CAMK1D: variants seen among roughly 807,000 people sequenced by gnomAD.
CAMK1D encodes the protein calcium/calmodulin dependent protein kinase ID.
Under a neutral mutation model 47.7 loss-of-function variants are expected in CAMK1D, and 9 were observed. The ratio of observed to expected loss-of-function variants is 0.19; its 90% CI spans 0.11 to 0.33. The LOEUF is 0.33. Ranked by LOEUF, CAMK1D falls within the 10% of genes least tolerant of loss-of-function variation. The probability of loss-of-function intolerance (pLI) is 1.00; values close to 1 mark genes in which losing one functional copy is unlikely to be tolerated. For missense variants in CAMK1D, 291 were observed against 488.7 expected (o/e 0.60, Z 3.81); for synonymous variants, 184 against 184.9 (o/e 0.99, Z 0.04).
intron 1 of CAMK1D, among the ~76,000 whole-genome samples, chr10:12,536,522 A>G (rs111861976): frequency 6.6e-6 from 1 of 152,110 alleles, no homozygotes; most frequent in Admixed American, 6.5e-5. Flanking sequence ...CAGGTGATCC[A>G]CACGTCTCGG....
chr10:12,790,429 A>G (rs1837930432), intron 5 of CAMK1D, among the ~76,000 whole-genome samples: 3 of 152,182 alleles, frequency 2.0e-5, no homozygotes, highest in Non-Finnish European at 2.9e-5. Context: ...GAGGCCAGAA[A>G]TGTTGCCTTG....
intron 1 of CAMK1D, among the ~76,000 whole-genome samples, chr10:12,535,542 T>C (rs1835942706): frequency 6.6e-6 from 1 of 152,188 alleles, no homozygotes; most frequent in African/African-American, 2.4e-5. Context: ...ATTAAAACTG[T>C]CTGGCCAGCA....
chr10:12,791,097 A>C (rs1204709389), intron 5 of CAMK1D, 61 bp from the exon 6 acceptor site: 1 of 1,518,716 alleles, frequency 6.6e-7, no homozygotes, highest in African/African-American at 1.4e-5. Flanking sequence ...GACCCCAAAA[A>C]CTGTCTTCAG....
At chr10:12,363,089 C>T (rs941955401) in intron 1 of CAMK1D, among the ~76,000 whole-genome samples, 1 of 151,810 alleles carries the variant, frequency 6.6e-6, no homozygotes, top group African/African-American at 2.4e-5. Context: ...TACTGGTGCA[C>T]GCCAGCACAC....
At chr10:12,743,948 G>T (rs1476011056) in intron 3 of CAMK1D, among the ~76,000 whole-genome samples, 2 of 151,918 alleles carry the variant, frequency 1.3e-5, no homozygotes, top group Non-Finnish European at 2.9e-5. Context: ...GCTTGAACCT[G>T]GGAGGCAGAG....
chr10:12,805,806 G>C (rs541202316), intron 6 of CAMK1D, among the ~76,000 whole-genome samples: 1 of 152,188 alleles, frequency 6.6e-6, no homozygotes, highest in Non-Finnish European at 1.5e-5. Context: ...TTAATGACTC[G>C]GGCATCCAGC....
intron 1 of CAMK1D, among the ~76,000 whole-genome samples, chr10:12,420,435 A>G (rs1840011375): frequency 6.6e-6 from 1 of 152,036 alleles, no homozygotes; most frequent in Non-Finnish European, 1.5e-5. Context: ...TGTTTTCATA[A>G]CTCCAACAAG....
chr10:12,553,664 T>A (rs1005021673), intron 2 of CAMK1D, among the ~76,000 whole-genome samples: 2 of 151,956 alleles, frequency 1.3e-5, no homozygotes, highest in Admixed American at 6.6e-5. Flanking sequence ...GAGCCCTGAG[T>A]CTTCTCTGTA....
chr10:12,480,171 C>G (rs575797527), intron 1 of CAMK1D, among the ~76,000 whole-genome samples: 1 of 152,070 alleles, frequency 6.6e-6, no homozygotes, highest in Non-Finnish European at 1.5e-5. Context: ...AATACTTGGC[C>G]GGGCTCGGTG....
At chr10:12,658,596 A>AT (rs1840184285) in intron 2 of CAMK1D, among the ~76,000 whole-genome samples, 1 of 152,252 alleles carries the variant, frequency 6.6e-6, no homozygotes, top group African/African-American at 2.4e-5. Context: ...TCCTGTGCCT[A>AT]TAAAAACCCT....
chr10:12,479,914 C>T (rs2815603), intron 1 of CAMK1D, among the ~76,000 whole-genome samples: 117,075 of 151,778 alleles, frequency 0.77, 45,308 homozygotes, highest in East Asian at 0.97. Flanking sequence ...TTCTCAACGA[C>T]GTCCTGGATA....
intron 1 of CAMK1D, among the ~76,000 whole-genome samples, chr10:12,462,957 CAGAG>C (rs1053488029): frequency 6.6e-6 from 1 of 152,194 alleles, no homozygotes; most frequent in African/African-American, 2.4e-5. Context: ...GCAGCATAGA[CAGAG>C]AGCACTCTAT....
chr10:12,719,856 G>C (rs557160668), intron 3 of CAMK1D, among the ~76,000 whole-genome samples: 1 of 152,356 alleles, frequency 6.6e-6, no homozygotes, highest in South Asian at 2.1e-4. Context: ...CCAGCCTTTA[G>C]ATTCCAGTCC....
chr10:12,413,460 C>G (rs148466440), intron 1 of CAMK1D, among the ~76,000 whole-genome samples: 11 of 21,126 alleles, frequency 5.2e-4, no homozygotes, highest in African/African-American at 1.9e-3. Flanking sequence ...AGGCCCTGTT[C>G]TCTTCTCTGG....
intron 5 of CAMK1D, among the ~76,000 whole-genome samples, chr10:12,784,190 G>A (rs1035573765): frequency 5.2e-5 from 7 of 135,856 alleles, no homozygotes; most frequent in Admixed American, 1.7e-4. Flanking sequence ...CTTCCTTGGA[G>A]AAAAGGTATT....
chr10:12,683,746 G>C (rs1832542426), intron 3 of CAMK1D, among the ~76,000 whole-genome samples: 1 of 56,246 alleles, frequency 1.8e-5, no homozygotes, highest in Non-Finnish European at 4.4e-5. Flanking sequence ...ATCCAGGTGT[G>C]TGTGTGTGTG....
At chr10:12,720,309 A>G (rs1450976823) in intron 3 of CAMK1D, among the ~76,000 whole-genome samples, 1 of 152,186 alleles carries the variant, frequency 6.6e-6, no homozygotes. Context: ...TATCAGTGAG[A>G]GAAGAGGCTG....
intron 6 of CAMK1D, among the ~76,000 whole-genome samples, chr10:12,803,680 A>G (rs1360732070): frequency 6.6e-6 from 1 of 151,906 alleles, no homozygotes; most frequent in African/African-American, 2.4e-5. Context: ...AATAATAACT[A>G]TGTGTGTGTG....
At chr10:12,611,964 C>G (rs1332135234) in intron 2 of CAMK1D, among the ~76,000 whole-genome samples, 1 of 152,204 alleles carries the variant, frequency 6.6e-6, no homozygotes, top group Non-Finnish European at 1.5e-5. Context: ...CTTCATGAAG[C>G]ATTTCATTTC....
Sources: allele counts gnomAD v4.1 joint callset (sites outside exome capture counted in the v4.1 genomes callset), GRCh38; gene constraint gnomAD v4.1.1; transcripts MANE v1.5; gene names NCBI Gene and HGNC (gene_info 2026-07-23, HGNC 2026-07-21).